Variants in RIMKLA observed in about 807,000 individuals in gnomAD.
RIMKLA encodes the protein N-acetylaspartylglutamate synthase A.
In RIMKLA, 14 loss-of-function variants were observed where a neutral mutation model predicts 32.7. That is an observed-to-expected ratio of 0.43 (90% CI 0.28 to 0.67). The LOEUF (loss-of-function observed/expected upper bound fraction) is 0.67. Among genes scored for constraint, RIMKLA ranks in the 30% least tolerant of loss-of-function variants. The probability of loss-of-function intolerance (pLI) is 0.18; values close to 1 mark genes in which losing one functional copy is unlikely to be tolerated. For synonymous variants in RIMKLA, 176 were observed against 204.1 expected (o/e 0.86, Z 1.18); for missense variants, 410 against 519.0 (o/e 0.79, Z 2.04).
chr1:42,410,565 AAAT>A (rs1643188857), intron 4 of RIMKLA, among the ~76,000 whole-genome samples: 1 of 152,342 alleles, frequency 6.6e-6, no homozygotes, highest in South Asian at 2.1e-4. Flanking sequence ...CAGGCAAAAA[AAAT>A]AATAAGAGTC....
rs1570310802 is a variant in RIMKLA at position 42,381,213 on chromosome 1, A to G, written c.163+116A>G. On this transcript the variant is annotated intron_variant, in intron 1 of 4. Coordinates refer to ENST00000431473, the MANE Select transcript of RIMKLA (RefSeq NM_173642.4). Reference sequence around the variant, plus strand: ...AGAGTCTCCTTCGGGCCCGCACACTAGCCGCACTCTAGCTGCGAGACTTCT... The same window carrying G: ...AGAGTCTCCTTCGGGCCCGCACACTGGCCGCACTCTAGCTGCGAGACTTCT... 1.1e-5 allele frequency: 8 copies of G among 732,038 alleles called. No individual in the cohort carries two copies. In the East Asian group the frequency reaches 2.7e-4, roughly 25 times the overall value. 45.3% of individuals were successfully genotyped at this position (732,038 alleles called of 1,614,324 possible).
chr1:42,392,685 G>T (rs1227529335), intron 1 of RIMKLA, among the ~76,000 whole-genome samples: 2 of 152,142 alleles, frequency 1.3e-5, no homozygotes, highest in Admixed American at 1.3e-4. Flanking sequence ...ACTTGAAATT[G>T]GCTGGGCATA....
chr1:42,404,503 C>G lies in RIMKLA; in HGVS notation c.395-8C>G, dbSNP rs769871206. 1.2e-6 allele frequency: 2 copies of G among 1,605,076 alleles called. No homozygotes were observed. Among genetic ancestry groups the G allele is most frequent in the East Asian group, 4.5e-5 (2 of 44,816 alleles). ...TTACCTTCACTGACTTTCACCTTTT[C>G]TTGGCAGGTGGGCATGAAGACTTTT... On this transcript the variant is annotated splice_region_variant and splice_polypyrimidine_tract_variant and intron_variant, in intron 2 of 4. Transcript: ENST00000431473.
In RIMKLA at chr1:42,403,829, C is replaced by T. The variant is rs542895588; in HGVS notation, c.395-682C>T. ...GGTGTCAGCTGGGGTTGTGGTCTTA[C>T]CTGAAGTTTGGGGTCTTCTTCCAAG... On this transcript the variant is annotated intron_variant, in intron 2 of 4. Transcript: ENST00000431473. Among the ~76,000 whole-genome samples the T allele has an allele frequency of 2.6e-5, 4 of 152,218 alleles. No individual in the cohort carries two copies. The South Asian group carries it at 6.2e-4, about 24-fold the overall frequency.
chr1:42,380,854 GC>G lies in RIMKLA; in HGVS notation c.-77del. 1 of 959,244 alleles carries G rather than the reference GC, an allele frequency of 1.0e-6. No homozygotes were observed. 59.4% of individuals were successfully genotyped at this position (959,244 alleles called of 1,614,324 possible). A position where few individuals can be genotyped will look rare whatever the true frequency, so the allele number is the denominator to read the frequency against. On this transcript the variant is annotated 5_prime_UTR_variant, in exon 1 of 5. Coordinates refer to ENST00000431473, the MANE Select transcript of RIMKLA (RefSeq NM_173642.4). ...GGCGCGCTCGCCCCGGACGCCGGCCGCCCCTCCGCTCGCCCTACTGAGCGAG... is the reference window on the plus strand; with the variant it reads ...GGCGCGCTCGCCCCGGACGCCGGCCGCCCTCCGCTCGCCCTACTGAGCGAG...
chr1:42,390,063 G>C (rs571834387), intron 1 of RIMKLA, among the ~76,000 whole-genome samples: 2 of 142,256 alleles, frequency 1.4e-5, no homozygotes, highest in Admixed American at 1.4e-4. Flanking sequence ...TTTTGAGACG[G>C]AGTATCGCCA....
chr1:42,408,025 G>A lies in RIMKLA; in HGVS notation c.482-1959G>A, dbSNP rs183142779. ...CTGCTGAAAATCCTACCTAATGTCC[G>A]GAGAACCCAGTGCATATACCTGAAT... On this transcript the variant is annotated intron_variant, in intron 3 of 4. Transcript: ENST00000431473. Among the ~76,000 whole-genome samples the A allele has an allele frequency of 1.3e-3, 193 of 152,154 alleles. 1 individual carries two copies. The highest frequency in any genetic ancestry group is 2.1e-3 in the Non-Finnish European group (140 of 68,020).
At chr1:42,406,048 C>T (rs1015981800) in intron 3 of RIMKLA, among the ~76,000 whole-genome samples, 1 of 152,156 alleles carries the variant, frequency 6.6e-6, no homozygotes, top group South Asian at 2.1e-4. Flanking sequence ...TGGTAAAATA[C>T]ACATAAAATT....
intron 1 of RIMKLA, among the ~76,000 whole-genome samples, chr1:42,385,844 C>CTCTCTCTCTT (rs1184237388): frequency 0.065 from 3,709 of 57,068 alleles, 618 homozygotes; most frequent in Non-Finnish European, 0.087. Context: ...TTCTTTCTTT[C>CTCTCTCTCTT]TCTTTCTTTC....
chr1:42,382,300 A>T (rs1642896411), intron 1 of RIMKLA, among the ~76,000 whole-genome samples: 1 of 152,216 alleles, frequency 6.6e-6, no homozygotes, highest in Non-Finnish European at 1.5e-5. Flanking sequence ...TCTATCCTTG[A>T]TTTATTAAAA....
chr1:42,411,348 AAAG>A (rs902876195), intron 4 of RIMKLA, among the ~76,000 whole-genome samples: 72 of 151,988 alleles, frequency 4.7e-4, no homozygotes, highest in Non-Finnish European at 1.0e-4. Flanking sequence ...AAAAAAAAAA[AAAG>A]AGAGATAATT....
intron 1 of RIMKLA, among the ~76,000 whole-genome samples, chr1:42,398,066 A>T (rs1466506590): frequency 6.6e-6 from 1 of 152,140 alleles, no homozygotes; most frequent in East Asian, 1.9e-4. Context: ...GTTGAGCCCA[A>T]ATCCATCTCC....
chr1:42,385,914 CCTTCT>C (rs1642942420), intron 1 of RIMKLA, among the ~76,000 whole-genome samples: 1 of 125,108 alleles, frequency 8.0e-6, no homozygotes, highest in Non-Finnish European at 1.7e-5. Context: ...TTCCTTCTTT[CCTTCT>C]TTCTTTCTTT....
rs1438564317 is a variant in RIMKLA, at chr1:42,423,986, G to C, written c.*9012G>C. Among the ~76,000 whole-genome samples, 1 of 152,118 alleles carries C rather than the reference G, an allele frequency of 6.6e-6. No homozygotes were observed. Among genetic ancestry groups the C allele is most frequent in the Non-Finnish European group, 1.5e-5 (1 of 68,032 alleles). ...GAGATGGGTCAGGGAACCTTGGAGT[G>C]GCAGCACTTGTGTCACATCTAAAGG... On this transcript the variant is annotated 3_prime_UTR_variant, in exon 5 of 5. Transcript: ENST00000431473.
At chr1:42,406,885 T>C (rs558677736) in intron 3 of RIMKLA, among the ~76,000 whole-genome samples, 1 of 152,288 alleles carries the variant, frequency 6.6e-6, no homozygotes, top group South Asian at 2.1e-4. Context: ...TTTTAATCTT[T>C]TTATTGTCGA....
chr1:42,408,864 C>A (rs1055807298), intron 3 of RIMKLA, among the ~76,000 whole-genome samples: 2 of 152,104 alleles, frequency 1.3e-5, no homozygotes, highest in African/African-American at 4.8e-5. Flanking sequence ...ATTTGCAGAG[C>A]AAACTTATCA....
chr1:42,387,266 A>G (rs1288415905), intron 1 of RIMKLA, among the ~76,000 whole-genome samples: 1 of 146,680 alleles, frequency 6.8e-6, no homozygotes, highest in Non-Finnish European at 1.5e-5. Flanking sequence ...ATTCCAAAAA[A>G]TAAAAAATAA....
chr1:42,399,425 C>T lies in RIMKLA; in HGVS notation c.185C>T (p.Ala62Val), dbSNP rs1355347065. Reference sequence around the variant, plus strand: ...GCAGGCCTCCAGCTAAACCAGAAGGCCCTCACCACTTTCCCGGATGTGGTG... The same window carrying T: ...GCAGGCCTCCAGCTAAACCAGAAGGTCCTCACCACTTTCCCGGATGTGGTG... Reference protein sequence around the residue: ...GHLGLQLNQKALTTFPDVVLV... With the variant: ...GHLGLQLNQKVLTTFPDVVLV... Residue 62 changes from alanine to valine, a missense_variant, in exon 2 of 5, where the codon GCC (alanine) becomes GTC (valine). Transcript: ENST00000431473. 5.6e-6 allele frequency: 9 copies of T among 1,611,166 alleles called. No individual in the cohort carries two copies. Among genetic ancestry groups the T allele is most frequent in the Non-Finnish European group, 7.6e-6 (9 of 1,178,766 alleles).
intron 1 of RIMKLA, chr1:42,396,414 C>G (rs1643048129): frequency 6.6e-6 from 1 of 152,132 alleles, no homozygotes; most frequent in African/African-American, 2.4e-5. Context: ...TATACTTTAA[C>G]CCATTCCATT....
Sources: allele counts gnomAD v4.1 joint callset (sites outside exome capture counted in the v4.1 genomes callset), GRCh38; gene constraint gnomAD v4.1.1; transcripts MANE v1.5; gene names NCBI Gene and HGNC (gene_info 2026-07-23, HGNC 2026-07-21).